RXRA: variants seen among roughly 807,000 people sequenced by gnomAD.
The protein encoded by RXRA is retinoic acid receptor RXR-alpha.
A neutral mutation model predicts 44.5 loss-of-function variants in RXRA; 5 were observed. The observed-to-expected ratio is 0.11, with a 90% confidence interval of 0.06 to 0.24. The LOEUF (loss-of-function observed/expected upper bound fraction) is 0.24, where lower values mean the gene tolerates loss of function less well. RXRA is among the 10% of genes least tolerant of loss of function. RXRA has a pLI of 1.00. For missense variants in RXRA, 412 were observed against 646.5 expected, an observed-to-expected ratio of 0.64 and a Z score of 3.93; for synonymous variants, 291 against 271.4, an observed-to-expected ratio of 1.07 and a Z score of -0.71.
intron 6 of RXRA, among the ~76,000 whole-genome samples, chr9:134,427,767 C>A (rs1439570630): frequency 1.3e-5 from 2 of 152,228 alleles, no homozygotes; most frequent in Non-Finnish European, 2.9e-5. Context: ...TGATCACTTA[C>A]CCCCTCATGC....
rs1355761796 is a variant in RXRA, at chr9:134,342,629, TGGGGCTGC to T, written c.28+15982_28+15989del. On this transcript the variant is annotated intron_variant, in intron 1 of 9. Transcript: ENST00000481739. The surrounding 1 kb of genome is among the most constrained non-coding windows in gnomAD (Gnocchi z 4.4). ...AGCTGCTGTGAGCCCAGGCAGGTGGTGGGGCTGCGGGGCTGCGGGAGGAGGCCCCTGTG... is the reference window on the plus strand; with the variant it reads ...AGCTGCTGTGAGCCCAGGCAGGTGGTGGGGCTGCGGGAGGAGGCCCCTGTG... 6.6e-6 allele frequency among the ~76,000 whole-genome samples: 1 copy of T among 151,970 alleles called. No individual in the cohort carries two copies.
intron 7 of RXRA, among the ~76,000 whole-genome samples, chr9:134,429,613 A>G (rs540947734): frequency 1.3e-5 from 2 of 152,324 alleles, no homozygotes; most frequent in South Asian, 4.1e-4. Flanking sequence ...CTGGCACGGT[A>G]ATGCCGTGGC....
rs116499761 is a variant in RXRA at position 134,352,824 on chromosome 9, T to G, written c.28+26165T>G. The stretch of plus-strand genomic sequence containing the variant: ...TTGGAGCGGTCTCCCTTTGGGGACA[T>G]CCAGGGCTCTTGGGTCTCTCTTTGG... On this transcript the variant is annotated intron_variant, in intron 1 of 9. Transcript: ENST00000481739. Among the ~76,000 whole-genome samples, 167 of 152,302 alleles carry G rather than the reference T, an allele frequency of 1.1e-3. 1 individual carries two copies. The highest frequency in any genetic ancestry group is 3.8e-3 in the African/African-American group (157 of 41,574).
At chr9:134,384,671 G>A (rs1588278284) in intron 1 of RXRA, among the ~76,000 whole-genome samples, 1 of 152,190 alleles carries the variant, frequency 6.6e-6, no homozygotes, top group Admixed American at 6.5e-5. Context: ...CGGTGGGGCT[G>A]TACTGGGCCG....
In RXRA at chr9:134,407,735, G is replaced by C. The variant is rs1468582926; in HGVS notation, c.280-414G>C. Among the ~76,000 whole-genome samples the C allele has an allele frequency of 6.6e-6, 1 of 152,076 alleles. No homozygotes were observed. The highest frequency in any genetic ancestry group is 2.4e-5 in the African/African-American group (1 of 41,406). On this transcript the variant is annotated intron_variant, in intron 2 of 9. Transcript: ENST00000481739. The surrounding 1 kb of genome is among the most constrained non-coding windows in gnomAD (Gnocchi z 4.8). ...TTCGGCGTCCTCATGTGTGGGTTGGGACCCCCCAGAGTGCCTGCCTCATGG... is the reference window on the plus strand; with the variant it reads ...TTCGGCGTCCTCATGTGTGGGTTGGCACCCCCCAGAGTGCCTGCCTCATGG...
intron 6 of RXRA, chr9:134,425,107 A>T (rs936096495): frequency 1.0e-6 from 1 of 985,308 alleles, no homozygotes; most frequent in Non-Finnish European, 1.2e-6. Context: ...CACTCCGGGG[A>T]GTGTCCACCT....
chr9:134,386,277 G>A (rs1474799290), intron 1 of RXRA, among the ~76,000 whole-genome samples: 2 of 152,246 alleles, frequency 1.3e-5, no homozygotes, highest in African/African-American at 4.8e-5. Context: ...CGGCCGATGG[G>A]GCCGCCCCTG....
rs759012790 is a variant in RXRA, at chr9:134,436,494, G to A, written c.1269G>A (p.Pro423=). Reference sequence around the variant, plus strand: ...TCGCTAAGCTCTTGCTCCGCCTGCCGGCTCTGCGCTCCATCGGGCTCAAAT... The same window carrying A: ...TCGCTAAGCTCTTGCTCCGCCTGCCAGCTCTGCGCTCCATCGGGCTCAAAT... ...GRFAKLLLRL[P]ALRSIGLKCL... The change falls in exon 10 of 10, where the codon CCG becomes CCA. Residue 423 remains proline, a synonymous_variant. Coordinates refer to ENST00000481739, the MANE Select transcript of RXRA (RefSeq NM_002957.6). The A allele has an allele frequency of 7.4e-6, 12 of 1,614,158 alleles. No individual in the cohort carries two copies. Among genetic ancestry groups the A allele is most frequent in the Middle Eastern group, 3.3e-4 (2 of 6,062 alleles).
chr9:134,355,102 C>A (rs760331579), intron 1 of RXRA, among the ~76,000 whole-genome samples: 1 of 152,236 alleles, frequency 6.6e-6, no homozygotes, highest in Non-Finnish European at 1.5e-5. Context: ...ATTCTGCCCA[C>A]GTTGGCTTTT....
At chr9:134,376,328 G>C (rs543972888) in intron 1 of RXRA, among the ~76,000 whole-genome samples, 3 of 152,342 alleles carry the variant, frequency 2.0e-5, no homozygotes, top group African/African-American at 7.2e-5. Flanking sequence ...GCATGTGTGT[G>C]TGCCTCGTGC....
rs1830190970 is a variant in RXRA at position 134,349,180 on chromosome 9, CAGA to C, written c.28+22527_28+22529del. 6.6e-6 allele frequency among the ~76,000 whole-genome samples: 1 copy of C among 152,196 alleles called. No individual in the cohort carries two copies. The highest frequency in any genetic ancestry group is 6.5e-5 in the Admixed American group (1 of 15,286). ...ATGAGGGCCTGCACAGAGGGTCTTGCAGAAGAAGGGTCTGGCTGGGCCTGCAGA... is the reference window on the plus strand; with the variant it reads ...ATGAGGGCCTGCACAGAGGGTCTTGCAGAAGGGTCTGGCTGGGCCTGCAGA... On this transcript the variant is annotated intron_variant, in intron 1 of 9. Transcript: ENST00000481739. The surrounding 1 kb of genome is among the most constrained non-coding windows in gnomAD (Gnocchi z 4.3).
rs979508387 is a variant in RXRA, at chr9:134,407,150, T to G, written c.280-999T>G. The stretch of plus-strand genomic sequence containing the variant: ...AACAAGCTGGGGCTGGAAGACTCAT[T>G]CCAGGCACCGAGGTCCATGTGAAAG... On this transcript the variant is annotated intron_variant, in intron 2 of 9. Coordinates refer to ENST00000481739, the MANE Select transcript of RXRA (RefSeq NM_002957.6). The surrounding 1 kb of genome is among the most constrained non-coding windows in gnomAD (Gnocchi z 4.8). 5.9e-5 allele frequency among the ~76,000 whole-genome samples: 9 copies of G among 152,202 alleles called. No homozygotes were observed. Among genetic ancestry groups the G allele is most frequent in the African/African-American group, 2.2e-4 (9 of 41,450 alleles).
intron 1 of RXRA, among the ~76,000 whole-genome samples, chr9:134,353,507 C>T (rs1220730899): frequency 6.6e-6 from 1 of 152,230 alleles, no homozygotes; most frequent in Admixed American, 6.5e-5. Flanking sequence ...TTGAGCAAAC[C>T]GTCACTTACT....
At chr9:134,330,144 G>T (rs530001756) in intron 1 of RXRA, among the ~76,000 whole-genome samples, 1 of 152,328 alleles carries the variant, frequency 6.6e-6, no homozygotes, top group South Asian at 2.1e-4. Flanking sequence ...GTCCTCTGGA[G>T]AAGAGGGCAC....
At chr9:134,431,465 G>C (rs1178161888) in intron 7 of RXRA, among the ~76,000 whole-genome samples, 1 of 152,252 alleles carries the variant, frequency 6.6e-6, no homozygotes, top group African/African-American at 2.4e-5. Context: ...GGGAGCGGCT[G>C]GGGCTGTGGC....
intron 1 of RXRA, among the ~76,000 whole-genome samples, chr9:134,337,829 A>G (rs1470163795): frequency 6.6e-6 from 1 of 152,016 alleles, no homozygotes; most frequent in Non-Finnish European, 1.5e-5. Context: ...AGACTCTTGG[A>G]TGTCCTCGGA....
chr9:134,391,260 T>C (rs1830795312), intron 1 of RXRA, among the ~76,000 whole-genome samples: 1 of 151,894 alleles, frequency 6.6e-6, no homozygotes, highest in African/African-American at 2.4e-5. Context: ...CCACCACAGG[T>C]GGGACCTGAG....
At chr9:134,400,268 A>G (rs1034796180) in intron 1 of RXRA, among the ~76,000 whole-genome samples, 2 of 152,196 alleles carry the variant, frequency 1.3e-5, no homozygotes, top group Admixed American at 1.3e-4. Flanking sequence ...CCCTGGACAC[A>G]GCTGCTCTGA....
chr9:134,434,915 C>T (rs1554757208), intron 9 of RXRA, among the ~76,000 whole-genome samples: 1 of 152,130 alleles, frequency 6.6e-6, no homozygotes, highest in African/African-American at 2.4e-5. Flanking sequence ...ACACCCAGGC[C>T]TTCCCGCCAC....
Sources: allele counts gnomAD v4.1 joint callset (sites outside exome capture counted in the v4.1 genomes callset), GRCh38; gene constraint gnomAD v4.1.1; non-coding constraint Gnocchi (gnomAD v3.1); transcripts MANE v1.5; gene names NCBI Gene and HGNC (gene_info 2026-07-23, HGNC 2026-07-21).